The following CTBP2 variants were observed in gnomAD, a reference collection of about 807,000 sequenced individuals.
The protein encoded by CTBP2 is C-terminal-binding protein 2.
A neutral mutation model predicts 80.3 loss-of-function variants in CTBP2; 30 were observed. The ratio of observed to expected loss-of-function variants is 0.37; its 90% CI spans 0.28 to 0.51. The LOEUF (loss-of-function observed/expected upper bound fraction) is 0.51, where lower values mean the gene tolerates loss of function less well. Among genes scored for constraint, CTBP2 ranks in the 20% least tolerant of loss-of-function variants. CTBP2 has a pLI of 0.93. For synonymous variants in CTBP2, 594 were observed against 587.4 expected (o/e 1.01, Z -0.16); for missense variants, 1,212 against 1,375.3 (o/e 0.88, Z 1.88).
In CTBP2 at chr10:124,984,574, C is replaced by T; in HGVS notation, c.*4944G>A. 3.8e-6 allele frequency: 2 copies of T among 530,330 alleles called. No individual in the cohort carries two copies. Among genetic ancestry groups the T allele is most frequent in the Non-Finnish European group, 3.3e-6 (1 of 304,608 alleles). 32.9% of individuals were successfully genotyped at this position (530,330 alleles called of 1,614,324 possible). ...CTTTAGTTTTTTTCTGAGAAATTTCCCATTTATGTCTTTTTAAATTTAACC... is the reference window on the plus strand; with the variant it reads ...CTTTAGTTTTTTTCTGAGAAATTTCTCATTTATGTCTTTTTAAATTTAACC... On this transcript the variant is annotated 3_prime_UTR_variant, in exon 9 of 9. Transcript: ENST00000309035.
chr10:124,995,286 C>T (rs574857952), intron 4 of CTBP2, among the ~76,000 whole-genome samples: 3 of 152,306 alleles, frequency 2.0e-5, no homozygotes, highest in East Asian at 1.9e-4. Flanking sequence ...GGTGGGGCCT[C>T]GCGCCCATCT....
chr10:125,132,866 T>C (rs959370230), intron 1 of CTBP2, among the ~76,000 whole-genome samples: 63 of 152,234 alleles, frequency 4.1e-4, no homozygotes, highest in African/African-American at 1.4e-3. Context: ...TCCTAATGAA[T>C]TTAGTTTCAA....
intron 2 of CTBP2, among the ~76,000 whole-genome samples, chr10:125,084,425 G>A (rs945947704): frequency 3.9e-5 from 6 of 152,152 alleles, no homozygotes; most frequent in Admixed American, 1.3e-4. Context: ...AGAGGGAGGC[G>A]CTCTGGAGGC....
At chr10:125,129,908 A>AG (rs1267976549) in intron 1 of CTBP2, among the ~76,000 whole-genome samples, 1 of 152,120 alleles carries the variant, frequency 6.6e-6, no homozygotes, top group East Asian at 1.9e-4. Flanking sequence ...CAGGCTGATG[A>AG]AACAGAGGAC....
At chr10:125,130,146 C>T (rs561553187) in intron 1 of CTBP2, among the ~76,000 whole-genome samples, 25 of 151,710 alleles carry the variant, frequency 1.6e-4, no homozygotes, top group African/African-American at 5.8e-4. Context: ...CTCCCAGGTT[C>T]AAGTGATTCT....
At chr10:125,007,762 G>A (rs1955425866) in intron 1 of CTBP2, among the ~76,000 whole-genome samples, 1 of 152,190 alleles carries the variant, frequency 6.6e-6, no homozygotes, top group African/African-American at 2.4e-5. Context: ...TAGACACTGT[G>A]TGAGCTAAGC....
At chr10:125,009,695 G>A (rs748084850) in intron 1 of CTBP2, among the ~76,000 whole-genome samples, 10 of 152,144 alleles carry the variant, frequency 6.6e-5, no homozygotes, top group Non-Finnish European at 1.0e-4. Flanking sequence ...ACTGAAAATC[G>A]TGACAGGGCC....
At chr10:125,011,684 CT>C (rs1405465683) in intron 1 of CTBP2, among the ~76,000 whole-genome samples, 1 of 152,232 alleles carries the variant, frequency 6.6e-6, no homozygotes, top group Non-Finnish European at 1.5e-5. Context: ...CTCAGAGCCC[CT>C]GGGGAAGCTG....
intron 1 of CTBP2, among the ~76,000 whole-genome samples, chr10:125,143,759 G>A (rs1187552571): frequency 1.3e-5 from 2 of 152,108 alleles, no homozygotes; most frequent in African/African-American, 4.8e-5. Context: ...AGATGTCTAT[G>A]TGAAAACAGA....
upstream of CTBP2, chr10:125,161,069 G>GGGGA (rs1402551987): frequency 1.3e-5 from 1 of 74,818 alleles, no homozygotes; most frequent in Admixed American, 1.3e-4. Flanking sequence ...CCTGTTTTTG[G>GGGGA]GGGGGGGGGG....
intron 1 of CTBP2, among the ~76,000 whole-genome samples, chr10:125,020,545 A>G (rs1158564459): frequency 1.3e-5 from 2 of 152,156 alleles, no homozygotes; most frequent in African/African-American, 4.8e-5. Flanking sequence ...AGAGCTGGCC[A>G]AGGTCCCAGC....
At chr10:125,036,522 C>A (rs1159296824) in intron 3 of CTBP2, among the ~76,000 whole-genome samples, 4 of 151,708 alleles carry the variant, frequency 2.6e-5, no homozygotes, top group African/African-American at 9.7e-5. Flanking sequence ...AAAAAACAAA[C>A]CTAAGGGACG....
intron 1 of CTBP2, among the ~76,000 whole-genome samples, chr10:125,112,107 C>CTT (rs59148637): frequency 0.017 from 2,111 of 123,634 alleles, 23 homozygotes; most frequent in African/African-American, 0.031. Context: ...CTGCATTTGA[C>CTT]TTTTTTTTTT....
intron 2 of CTBP2, among the ~76,000 whole-genome samples, chr10:125,057,459 C>T (rs1564818096): frequency 1.3e-5 from 2 of 152,218 alleles, no homozygotes; most frequent in African/African-American, 4.8e-5. Flanking sequence ...GTCTGGGCCC[C>T]TGACTGGCAA....
At chr10:125,114,579 G>A (rs1313572409) in intron 1 of CTBP2, among the ~76,000 whole-genome samples, 3 of 152,092 alleles carry the variant, frequency 2.0e-5, no homozygotes, top group East Asian at 1.9e-4. Flanking sequence ...CAAAAATTAC[G>A]TTTTAGGTCT....
At chr10:125,007,930 G>C (rs1007391752) in intron 1 of CTBP2, among the ~76,000 whole-genome samples, 1 of 151,846 alleles carries the variant, frequency 6.6e-6, no homozygotes, top group Non-Finnish European at 1.5e-5. Context: ...TCTGACATAG[G>C]AGGCAAAGGC....
In CTBP2 at chr10:125,098,748, GAC is replaced by G. The variant is rs1564914690; in HGVS notation, c.-102+12240_-102+12241del. ...ACAGAGAGAGAGAGAGAGAGAGAGA[GAC>G]AGAGAGAGAGAGAGAGAGAGAGAGA... is the stretch of plus-strand genomic sequence containing the variant. On this transcript the variant is annotated intron_variant, in intron 2 of 10. Transcript: ENST00000337195. Among the ~76,000 whole-genome samples the G allele has an allele frequency of 5.7e-3, 641 of 112,610 alleles. 21 individuals carry two copies. The highest frequency in any genetic ancestry group is 0.013 in the African/African-American group (313 of 24,664). The allele number at this position is 112,610 out of a possible 152,430, so 73.9% of individuals were successfully genotyped here.
chr10:125,033,831 C>T (rs1024423255), intron 3 of CTBP2, among the ~76,000 whole-genome samples: 3 of 152,206 alleles, frequency 2.0e-5, no homozygotes, highest in South Asian at 2.1e-4. Flanking sequence ...CCAGGGGCTC[C>T]GGGCCACACT....
At chr10:125,098,750 C>CAGAGAGACAGAGAGAGAGAGAGAGAG (rs1850104878) in intron 2 of CTBP2, among the ~76,000 whole-genome samples, 1 of 75,482 alleles carries the variant, frequency 1.3e-5, no homozygotes, top group African/African-American at 6.7e-5. Context: ...GAGAGAGAGA[C>CAGAGAGACAGAGAGAGAGAGAGAGAG]AGAGAGAGAG....
Sources: gnomAD v4.1 joint callset for allele counts (sites outside exome capture counted in the v4.1 genomes callset) on GRCh38, gnomAD v4.1.1 for gene constraint, MANE v1.5 for transcripts, NCBI Gene and HGNC (gene_info 2026-07-23, HGNC 2026-07-21) for gene names.